WWOX: variants seen among roughly 807,000 people sequenced by gnomAD.
WWOX encodes the protein WW domain-containing oxidoreductase.
A neutral mutation model predicts 46.2 loss-of-function variants in WWOX; 69 were observed. That is an observed-to-expected ratio of 1.49 (90% CI 1.23 to 1.82). WWOX has a LOEUF of 1.82. WWOX is among the 40% of genes most tolerant of loss of function. The probability of loss-of-function intolerance (pLI) is 0.00; values close to 1 mark genes in which losing one functional copy is unlikely to be tolerated. For missense variants in WWOX, 919 were observed against 542.6 expected, an observed-to-expected ratio of 1.69 and a Z score of -6.89; for synonymous variants, 359 against 202.6, an observed-to-expected ratio of 1.77 and a Z score of -6.56.
At chr16:78,643,558 C>T (rs1006843994) in intron 8 of WWOX, among the ~76,000 whole-genome samples, 7 of 152,182 alleles carry the variant, frequency 4.6e-5, no homozygotes, top group African/African-American at 1.7e-4. Flanking sequence ...TAGCACTCCC[C>T]AGAGCCTTCC....
chr16:79,209,886 G>T (rs1328435926), intron 8 of WWOX, among the ~76,000 whole-genome samples: 1 of 152,188 alleles, frequency 6.6e-6, no homozygotes, highest in Non-Finnish European at 1.5e-5. Flanking sequence ...AGGAAATTTG[G>T]ATGACATGAA....
intron 5 of WWOX, among the ~76,000 whole-genome samples, chr16:78,340,623 G>C (rs1311215063): frequency 8.3e-6 from 1 of 120,728 alleles, no homozygotes; most frequent in African/African-American, 2.8e-5. Context: ...AGTTAACTGT[G>C]GACTCCTCTG....
chr16:78,726,259 C>T (rs1271603829), intron 8 of WWOX, among the ~76,000 whole-genome samples: 1 of 150,502 alleles, frequency 6.6e-6, no homozygotes, highest in East Asian at 2.0e-4. Context: ...CAGTCTTGCT[C>T]TGTCACCCAG....
At chr16:79,091,625 G>A (rs890076431) in intron 8 of WWOX, among the ~76,000 whole-genome samples, 4 of 152,120 alleles carry the variant, frequency 2.6e-5, no homozygotes, top group Non-Finnish European at 4.4e-5. Flanking sequence ...CAGTTTTAAA[G>A]TACCCTCGGG....
At chr16:79,064,610 G>C (rs530894882) in intron 8 of WWOX, among the ~76,000 whole-genome samples, 3 of 152,122 alleles carry the variant, frequency 2.0e-5, no homozygotes, top group Non-Finnish European at 4.4e-5. Context: ...GAAAGACATG[G>C]AGCAAAGCAG....
intron 8 of WWOX, among the ~76,000 whole-genome samples, chr16:78,718,092 G>GGTTTTTTTTTTTTTTTTTTTT (rs1555522406): frequency 7.2e-6 from 1 of 139,616 alleles, no homozygotes. Context: ...GGTTCTGGTG[G>GGTTTTTTTTTTTTTTTTTTTT]TTGTATTTTT....
intron 8 of WWOX, among the ~76,000 whole-genome samples, chr16:78,599,885 C>T (rs892557257): frequency 2.3e-4 from 35 of 152,102 alleles, no homozygotes; most frequent in African/African-American, 7.2e-4. Context: ...GGGTCAACCA[C>T]CGCATTTCTA....
At chr16:78,310,195 A>T (rs1297808714) in intron 5 of WWOX, among the ~76,000 whole-genome samples, 1 of 152,016 alleles carries the variant, frequency 6.6e-6, no homozygotes, top group Non-Finnish European at 1.5e-5. Context: ...AAGAACATTT[A>T]TTGTGTTTCC....
chr16:78,708,423 G>C (rs1026811761), intron 8 of WWOX, among the ~76,000 whole-genome samples: 1 of 152,072 alleles, frequency 6.6e-6, no homozygotes, highest in Non-Finnish European at 1.5e-5. Context: ...TTTTGTTTCT[G>C]CCCTGCTGTG....
chr16:78,356,072 A>AGG (rs2081281242), intron 5 of WWOX, among the ~76,000 whole-genome samples: 2 of 9,440 alleles, frequency 2.1e-4, no homozygotes, highest in Admixed American at 2.0e-3. Flanking sequence ...TTTTTTTCCT[A>AGG]AAAAAAAAAA....
At chr16:78,705,010 T>A (rs1444576017) in intron 8 of WWOX, among the ~76,000 whole-genome samples, 1 of 152,020 alleles carries the variant, frequency 6.6e-6, no homozygotes, top group African/African-American at 2.4e-5. Flanking sequence ...TTTCTAGAAG[T>A]GCAACATTGC....
At chr16:78,869,470 C>T (rs1443108999) in intron 8 of WWOX, among the ~76,000 whole-genome samples, 2 of 152,308 alleles carry the variant, frequency 1.3e-5, no homozygotes, top group East Asian at 1.9e-4. Context: ...GTGCACACAG[C>T]CCTCCCTCCC....
In WWOX at chr16:78,847,601, T is replaced by C. The variant is rs1344547431; in HGVS notation, c.1057-364007T>C. On this transcript the variant is annotated intron_variant, in intron 8 of 8. Transcript: ENST00000566780. ...CTCCCGCCTCAGCTTCCCTAAGTGT[T>C]GGGATTACAGACTTGAGCCACTGCA... Among the ~76,000 whole-genome samples, 9 of 152,152 alleles carry C rather than the reference T, an allele frequency of 5.9e-5. No individual in the cohort carries two copies. In the East Asian group the frequency reaches 1.7e-3, roughly 29 times the overall value.
chr16:78,589,918 A>G (rs943696832), intron 8 of WWOX, among the ~76,000 whole-genome samples: 20 of 152,156 alleles, frequency 1.3e-4, no homozygotes, highest in African/African-American at 4.6e-4. Flanking sequence ...GGGAGTTGGC[A>G]TTTGTTGGAA....
intron 8 of WWOX, among the ~76,000 whole-genome samples, chr16:79,195,929 G>A (rs1202879718): frequency 6.6e-6 from 1 of 152,180 alleles, no homozygotes; most frequent in African/African-American, 2.4e-5. Flanking sequence ...CCTCTCAAGT[G>A]GGAAAAATTT....
At chr16:78,596,415 T>TG (rs892018911) in intron 8 of WWOX, among the ~76,000 whole-genome samples, 5 of 150,746 alleles carry the variant, frequency 3.3e-5, no homozygotes, top group African/African-American at 1.2e-4. Flanking sequence ...CAGGTCACGG[T>TG]GGGATGACAC....
At position 79,211,594 on chromosome 16, in the gene WWOX, T is replaced by A; in HGVS notation, c.1057-14T>A. Reference sequence around the variant, plus strand: ...TCTTAAAATTTTTTTTTGTCTTTCTTCTTGGATTTCCAGCAACAGGGAGCT... The same window carrying A: ...TCTTAAAATTTTTTTTTGTCTTTCTACTTGGATTTCCAGCAACAGGGAGCT... On this transcript the variant is annotated splice_polypyrimidine_tract_variant and intron_variant, in intron 8 of 8. Coordinates refer to ENST00000566780, the MANE Select transcript of WWOX (RefSeq NM_016373.4). 6.2e-7 allele frequency: 1 copy of A among 1,614,068 alleles called. No individual in the cohort carries two copies. Among genetic ancestry groups the A allele is most frequent in the Non-Finnish European group, 8.5e-7 (1 of 1,180,008 alleles).
At chr16:78,841,778 TA>T (rs1567597583) in intron 8 of WWOX, among the ~76,000 whole-genome samples, 1 of 152,158 alleles carries the variant, frequency 6.6e-6, no homozygotes, top group Non-Finnish European at 1.5e-5. Context: ...ATGTTTTCTT[TA>T]AAAAAAATTT....
intron 8 of WWOX, among the ~76,000 whole-genome samples, chr16:78,627,226 C>T (rs905677871): frequency 6.6e-6 from 1 of 152,132 alleles, no homozygotes; most frequent in Non-Finnish European, 1.5e-5. Flanking sequence ...TCCCCCTGTG[C>T]CCCAGGTGTG....
Sources: allele counts gnomAD v4.1 joint callset (sites outside exome capture counted in the v4.1 genomes callset), GRCh38; gene constraint gnomAD v4.1.1; transcripts MANE v1.5; gene names NCBI Gene and HGNC (gene_info 2026-07-23, HGNC 2026-07-21).